ITGAE: variants seen among roughly 807,000 people sequenced by gnomAD.
ITGAE encodes integrin alpha-E.
In ITGAE, 99 loss-of-function variants were observed where a neutral mutation model predicts 136.5. That is an observed-to-expected ratio of 0.73 (90% CI 0.62 to 0.86). The LOEUF (loss-of-function observed/expected upper bound fraction) is 0.86, where lower values mean the gene tolerates loss of function less well. Among genes scored for constraint, ITGAE ranks in the 40% least tolerant of loss-of-function variants. The pLI is 0.00. For missense variants in ITGAE, 1,447 were observed against 1,515.3 expected, an observed-to-expected ratio of 0.95 and a Z score of 0.75; for synonymous variants, 613 against 591.8, an observed-to-expected ratio of 1.04 and a Z score of -0.52.
rs1301322996 is a variant in ITGAE, at chr17:3,798,455, G to A, written c.34+2656C>T. Among the ~76,000 whole-genome samples, 1 of 151,994 alleles carries A rather than the reference G, an allele frequency of 6.6e-6. No homozygotes were observed. Among genetic ancestry groups the A allele is most frequent in the Admixed American group, 6.5e-5 (1 of 15,272 alleles). ...CAAACCAGACTCTTCACACCCCAGG[G>A]CTTGGTCCCTCCTATCCCCCCTGCA... is the stretch of plus-strand genomic sequence containing the variant. On this transcript the variant is annotated intron_variant, in intron 1 of 30. Coordinates refer to ENST00000263087, the MANE Select transcript of ITGAE (RefSeq NM_002208.5). This position sits in a 1 kb window ranked among gnomAD's most constrained non-coding sequence, Gnocchi z 4.3.
intron 2 of ITGAE, among the ~76,000 whole-genome samples, chr17:3,777,043 CT>C (rs1266560571): frequency 6.6e-6 from 1 of 150,884 alleles, no homozygotes; most frequent in Non-Finnish European, 1.5e-5. Flanking sequence ...TCACTGCAAG[CT>C]CCGCCTCCCG....
intron 28 of ITGAE, among the ~76,000 whole-genome samples, chr17:3,721,260 C>CT (rs869087347): frequency 0.1 from 4,615 of 46,284 alleles, 1,142 homozygotes; most frequent in Non-Finnish European, 0.13. Flanking sequence ...GAGATTTTTC[C>CT]TTTTTTTTTT....
intron 19 of ITGAE, among the ~76,000 whole-genome samples, chr17:3,741,660 A>T (rs769605029): frequency 6.6e-6 from 1 of 152,194 alleles, no homozygotes; most frequent in Non-Finnish European, 1.5e-5. Flanking sequence ...CTCACCATAA[A>T]ATGAGACGTG....
chr17:3,738,327 T>A (rs1381377153), intron 20 of ITGAE, among the ~76,000 whole-genome samples: 1 of 152,084 alleles, frequency 6.6e-6, no homozygotes, highest in African/African-American at 2.4e-5. Flanking sequence ...CCCACCACCA[T>A]GCCCAGCTAA....
chr17:3,783,872 A>G lies in ITGAE; in HGVS notation c.35-6212T>C, dbSNP rs151001934. Among the ~76,000 whole-genome samples, 189 of 152,374 alleles carry G rather than the reference A, an allele frequency of 1.2e-3. 1 individual carries two copies. Among genetic ancestry groups the G allele is most frequent in the African/African-American group, 4.4e-3 (185 of 41,586 alleles). ...TCCAATAACATCATTTCAAAATATA[A>G]AAGCAAAAATTGACTGAATTAAAAG... On this transcript the variant is annotated intron_variant, in intron 1 of 30. Transcript: ENST00000263087.
chr17:3,784,251 C>T (rs892807897), intron 1 of ITGAE: 2 of 326,238 alleles, frequency 6.1e-6, no homozygotes, highest in African/African-American at 2.3e-5. Flanking sequence ...CAGAGCAAGA[C>T]TCCATCTCAA....
chr17:3,739,713 G>A, intron 20 of ITGAE, 92 bp downstream of exon 20: 1 of 1,035,326 alleles, frequency 9.7e-7, no homozygotes, highest in Non-Finnish European at 1.5e-6. Flanking sequence ...GAGAGGGGAA[G>A]GGGATGTGCA....
At chr17:3,797,813 G>A (rs150170480) in intron 1 of ITGAE, among the ~76,000 whole-genome samples, 1 of 152,058 alleles carries the variant, frequency 6.6e-6, no homozygotes, top group Non-Finnish European at 1.5e-5. Flanking sequence ...TCTGCCTTCC[G>A]CAACAGCCGC....
chr17:3,796,646 T>A (rs1334386122), intron 1 of ITGAE, among the ~76,000 whole-genome samples: 1 of 151,764 alleles, frequency 6.6e-6, no homozygotes, highest in Non-Finnish European at 1.5e-5. Flanking sequence ...TACACCAGTG[T>A]CTGTCACCAC....
At chr17:3,760,429 G>GTTTT (rs1567540247) in intron 6 of ITGAE, 142 bp from the exon 7 acceptor site, 18 of 60,800 alleles carry the variant, frequency 3.0e-4, no homozygotes, top group South Asian at 4.6e-4. Context: ...CAAGAGGGAA[G>GTTTT]CTTTTTTTTT....
At chr17:3,795,318 G>A (rs2053038676) in intron 1 of ITGAE, among the ~76,000 whole-genome samples, 1 of 152,196 alleles carries the variant, frequency 6.6e-6, no homozygotes, top group Non-Finnish European at 1.5e-5. Context: ...GCAGGGCCAG[G>A]CCCACCCAAA....
Position 3,760,241 on chromosome 17 carries a change from G to A in ITGAE, c.645C>T (p.Pro215=). 1 of 1,613,834 alleles carries A rather than the reference G, an allele frequency of 6.2e-7. No individual in the cohort carries two copies. Among genetic ancestry groups the A allele is most frequent in the Non-Finnish European group, 8.5e-7 (1 of 1,179,950 alleles). The change falls in exon 7 of 31, where the codon CCC becomes CCT. Residue 215 remains proline, a synonymous_variant. Coordinates refer to ENST00000263087, the MANE Select transcript of ITGAE (RefSeq NM_002208.5). ...IILDGSGSID[P]PDFQRAKDFI... ...AGTCTTTGGCTCTCTGAAAGTCTGG[G>A]GGATCAATGCTTCCTGAGCCATCCA...
intron 18 of ITGAE, among the ~76,000 whole-genome samples, chr17:3,745,497 A>C (rs552371050): frequency 6.6e-6 from 1 of 151,998 alleles, no homozygotes; most frequent in East Asian, 1.9e-4. Context: ...ACCCGCCATC[A>C]CGCCCGGCTA....
intron 2 of ITGAE, among the ~76,000 whole-genome samples, chr17:3,768,917 G>A (rs948033766): frequency 6.6e-6 from 1 of 152,168 alleles, no homozygotes; most frequent in African/African-American, 2.4e-5. Context: ...CCAGGCAACA[G>A]CTGAGGGGGC....
chr17:3,771,096 T>A (rs1245131314), intron 2 of ITGAE, among the ~76,000 whole-genome samples: 12 of 144,890 alleles, frequency 8.3e-5, no homozygotes, highest in African/African-American at 3.0e-4. Context: ...TCTGAGGGAT[T>A]AAAAAAAAAA....
Position 3,748,025 on chromosome 17 carries a change from G to C in ITGAE, c.2052C>G (p.Val684=), listed in dbSNP as rs1302825846. 1.2e-6 allele frequency: 2 copies of C among 1,612,706 alleles called. No individual in the cohort carries two copies. Among genetic ancestry groups the C allele is most frequent in the Non-Finnish European group, 1.7e-6 (2 of 1,179,266 alleles). Reference sequence around the variant, plus strand: ...GTGCGCTGGGGGTGAAGGCCATGGAGACCTTCAGGCGAACCACAGGCCGGG... The same window carrying C: ...GTGCGCTGGGGGTGAAGGCCATGGACACCTTCAGGCGAACCACAGGCCGGG... The part of the protein sequence containing the change: ...FRSRPVVRLK[V]SMAFTPSALP... Residue 684 remains valine, a synonymous_variant, in exon 17 of 31, where the codon GTC becomes GTG. Transcript: ENST00000263087.
intron 29 of ITGAE, 77 bp from the exon 30 acceptor site, chr17:3,716,875 G>T: frequency 1.2e-6 from 1 of 822,058 alleles, no homozygotes; most frequent in Non-Finnish European, 2.0e-6. Flanking sequence ...ATTTTAAGGA[G>T]CAAAATACGA....
intron 6 of ITGAE, 56 bp from the exon 7 acceptor site, chr17:3,760,343 T>C (rs2143089093): frequency 9.9e-7 from 1 of 1,013,364 alleles, no homozygotes; most frequent in Non-Finnish European, 1.5e-6. Flanking sequence ...GATGTAAGGG[T>C]AGCATGTGTA....
rs1597343627 is a variant in ITGAE, at chr17:3,761,488, G to A, written c.348C>T (p.His116=). 1.9e-6 allele frequency: 3 copies of A among 1,613,992 alleles called. No homozygotes were observed. The highest frequency in any genetic ancestry group is 2.5e-6 in the Non-Finnish European group (3 of 1,179,976). Residue 116 remains histidine, a synonymous_variant, in exon 5 of 31, where the codon CAC becomes CAT. Coordinates refer to ENST00000263087, the MANE Select transcript of ITGAE (RefSeq NM_002208.5). ...TGCCTGTGAGTTCTGAGCTGAGGCT[G>A]TGAGGCCGCCGGACCAGCACTTGAA... is the stretch of plus-strand genomic sequence containing the variant. ...ICIQVLVRRP[H]SLSSELTGTC...
Sources: gnomAD v4.1 joint callset for allele counts (sites outside exome capture counted in the v4.1 genomes callset) on GRCh38, gnomAD v4.1.1 for gene constraint, Gnocchi (gnomAD v3.1) non-coding constraint, MANE v1.5 for transcripts, NCBI Gene and HGNC (gene_info 2026-07-23, HGNC 2026-07-21) for gene names.